SATL1: variants seen among roughly 807,000 people sequenced by gnomAD.
The protein encoded by SATL1 is spermidine/spermine N1-acetyl transferase like 1.
SATL1 carries 47 observed loss-of-function variants against 51.8 expected under a neutral mutation model. The ratio of observed to expected loss-of-function variants is 0.91; its 90% confidence interval spans 0.72 to 1.16. The LOEUF is 1.16. Among genes scored for constraint, SATL1 ranks in the 50% most tolerant of loss-of-function variants. The probability of loss-of-function intolerance (pLI) is 0.00; values close to 1 mark genes in which losing one functional copy is unlikely to be tolerated. For missense variants in SATL1, 520 were observed against 526.4 expected (o/e 0.99, Z 0.12); for synonymous variants, 176 against 182.4 (o/e 0.97, Z 0.28).
At chrX:85,170,282 A>G (rs1242702533) in intron 2 of SATL1, among the ~76,000 whole-genome samples, 4 of 111,356 alleles carry the variant, frequency 3.6e-5, no homozygotes, top group Non-Finnish European at 3.8e-5. Context: ...TTAAAATAAA[A>G]GTTTAAACTA....
intron 2 of SATL1, chrX:85,212,826 A>G (rs1927957282): frequency 9.0e-6 from 1 of 110,838 alleles, no homozygotes; most frequent in Non-Finnish European, 1.9e-5. Flanking sequence ...CTTTGTATGT[A>G]TTATGCATCT....
Position 85,218,516 on chromosome X carries a change from C to T in SATL1, c.-313+5689G>A, listed in dbSNP as rs750024698. ...CCTCTATCATAAAACAATTCTATGC[C>T]GAGACGAAACTCTGCTTATGTGACA... On this transcript the variant is annotated intron_variant, in intron 2 of 7. Coordinates refer to ENST00000644105, the MANE Select transcript of SATL1 (RefSeq NM_001367857.2). Among the ~76,000 whole-genome samples, 5 of 110,959 alleles carry T rather than the reference C, an allele frequency of 4.5e-5. No homozygotes were observed. The South Asian group carries it at 1.9e-3, about 42-fold the overall frequency.
chrX:85,122,922 G>A (rs1925538570), intron 2 of SATL1, among the ~76,000 whole-genome samples: 1 of 111,603 alleles, frequency 9.0e-6, no homozygotes, highest in Non-Finnish European at 1.9e-5. Context: ...TTGGTTTTCT[G>A]TTCCTGCATT....
intron 2 of SATL1, among the ~76,000 whole-genome samples, chrX:85,199,578 G>T (rs867679120): frequency 1.8e-5 from 2 of 112,163 alleles, no homozygotes; most frequent in African/African-American, 6.5e-5. Context: ...TATACACAAT[G>T]AAGTACGATT....
intron 2 of SATL1, among the ~76,000 whole-genome samples, chrX:85,192,948 G>A (rs766941045): frequency 1.8e-5 from 2 of 111,594 alleles, no homozygotes; most frequent in Non-Finnish European, 3.8e-5. Flanking sequence ...AATCTTAAGT[G>A]TTTAACTTCA....
At chrX:85,232,862 G>A (rs1197749596) in intron 1 of SATL1, among the ~76,000 whole-genome samples, 1 of 111,751 alleles carries the variant, frequency 8.9e-6, no homozygotes, top group Admixed American at 9.4e-5. Flanking sequence ...GTGGACAGGG[G>A]AAACTTGCCA....
chrX:85,231,657 C>CTTTGCA (rs954196384), intron 1 of SATL1, among the ~76,000 whole-genome samples: 1 of 111,819 alleles, frequency 8.9e-6, no homozygotes, highest in Admixed American at 9.4e-5. Context: ...GACTGTGAGA[C>CTTTGCA]TTTGCATTAG....
At chrX:85,100,676 G>A (rs1348620038) in intron 4 of SATL1, among the ~76,000 whole-genome samples, 3 of 111,921 alleles carry the variant, frequency 2.7e-5, no homozygotes, top group Non-Finnish European at 3.8e-5. Context: ...AATTCCAACA[G>A]CCTTTTTCAC....
intron 2 of SATL1, among the ~76,000 whole-genome samples, chrX:85,204,847 C>CAA (rs199970590): frequency 9.0e-6 from 1 of 111,253 alleles, no homozygotes; most frequent in Non-Finnish European, 1.9e-5. Flanking sequence ...AATCTTCAAA[C>CAA]AAAAAAAGTA....
intron 4 of SATL1, among the ~76,000 whole-genome samples, chrX:85,100,928 T>C (rs1288634280): frequency 2.7e-5 from 3 of 111,677 alleles, no homozygotes; most frequent in Non-Finnish European, 5.6e-5. Flanking sequence ...GATACAAGGG[T>C]TCTATGACCA....
intron 2 of SATL1, among the ~76,000 whole-genome samples, chrX:85,178,560 G>A (rs1284310487): frequency 1.1e-4 from 11 of 102,559 alleles, no homozygotes; most frequent in African/African-American, 3.9e-4. Context: ...TTTGTCAAAA[G>A]TTTTTGAAGG....
intron 2 of SATL1, among the ~76,000 whole-genome samples, chrX:85,112,333 C>A (rs1268384564): frequency 1.4e-4 from 9 of 63,870 alleles, no homozygotes; most frequent in Non-Finnish European, 3.2e-4. Flanking sequence ...GCCTGGGTAA[C>A]AGAATCAGAC....
intron 2 of SATL1, among the ~76,000 whole-genome samples, chrX:85,127,607 C>T (rs187295228): frequency 1.4e-3 from 152 of 111,492 alleles, no homozygotes; most frequent in African/African-American, 4.6e-3. Context: ...TGTTACTGGA[C>T]TTTTTCAATC....
chrX:85,166,939 GTA>G (rs1243516157), intron 2 of SATL1, among the ~76,000 whole-genome samples: 140 of 78,956 alleles, frequency 1.8e-3, no homozygotes, highest in African/African-American at 6.1e-3. Flanking sequence ...ATATATATGT[GTA>G]TGTGTGTGTG....
rs925765170 is a variant in SATL1 at position 85,170,702 on chromosome X, G to A, written c.-313+53503C>T. On this transcript the variant is annotated intron_variant, in intron 2 of 7. Transcript: ENST00000644105. ...AGTGTAAAATGCAAAACCTGTGTAA[G>A]TCAAACATTGATTTGGATAAATGAA... Among the ~76,000 whole-genome samples the A allele has an allele frequency of 1.2e-4, 13 of 111,655 alleles. No individual in the cohort carries two copies. In the Admixed American group the frequency reaches 1.2e-3, roughly 11 times the overall value.
At chrX:85,101,722 AC>A (rs1402879273) in intron 4 of SATL1, among the ~76,000 whole-genome samples, 1 of 111,880 alleles carries the variant, frequency 8.9e-6, no homozygotes, top group East Asian at 2.8e-4. Flanking sequence ...AGATACTTGT[AC>A]ACCAATGTTT....
In SATL1 at chrX:85,238,130, C is replaced by G. The variant is rs113779441; in HGVS notation, c.-435+5458G>C. Among the ~76,000 whole-genome samples, 628 of 110,872 alleles carry G rather than the reference C, an allele frequency of 5.7e-3. 2 individuals carry two copies. Among genetic ancestry groups the G allele is most frequent in the Non-Finnish European group, 0.01 (530 of 52,747 alleles). ...TTGGTGGGAATGTAAATTAGTACAA[C>G]CACTATAAAGAACACTTTGGAGGTT... On this transcript the variant is annotated intron_variant, in intron 1 of 7. Transcript: ENST00000644105.
chrX:85,181,342 A>G (rs185819146), intron 2 of SATL1, among the ~76,000 whole-genome samples: 206 of 109,814 alleles, frequency 1.9e-3, no homozygotes, highest in African/African-American at 6.7e-3. Flanking sequence ...GAGGAACCAG[A>G]GGATTATCTA....
chrX:85,226,581 G>C (rs1353309099), intron 1 of SATL1, among the ~76,000 whole-genome samples: 1 of 111,201 alleles, frequency 9.0e-6, no homozygotes, highest in East Asian at 2.8e-4. Context: ...ATATTTTACT[G>C]TTCCTTCTTA....
Sources: allele counts gnomAD v4.1 joint callset (sites outside exome capture counted in the v4.1 genomes callset), GRCh38; gene constraint gnomAD v4.1.1; transcripts MANE v1.5; gene names NCBI Gene and HGNC (gene_info 2026-07-23, HGNC 2026-07-21).